Variants in RBFOX1 observed in about 807,000 individuals in gnomAD.
The protein encoded by RBFOX1 is RNA binding protein fox-1 homolog 1.
Under a neutral mutation model 57.7 loss-of-function variants are expected in RBFOX1, and 8 were observed. The ratio of observed to expected loss-of-function variants is 0.14; its 90% CI spans 0.08 to 0.25. The LOEUF (loss-of-function observed/expected upper bound fraction) is 0.25, where lower values mean the gene tolerates loss of function less well. Among genes scored for constraint, RBFOX1 ranks in the 10% least tolerant of loss-of-function variants. The pLI, the probability that RBFOX1 is intolerant of heterozygous loss-of-function variation, is 1.00. For synonymous variants in RBFOX1, 326 were observed against 222.4 expected, an observed-to-expected ratio of 1.47 and a Z score of -4.15; for missense variants, 611 against 548.5, an observed-to-expected ratio of 1.11 and a Z score of -1.14.
chr16:7,067,004 C>G (rs2056214612), intron 4 of RBFOX1, among the ~76,000 whole-genome samples: 1 of 152,138 alleles, frequency 6.6e-6, no homozygotes, highest in Admixed American at 6.5e-5. Flanking sequence ...TCCTAACAAA[C>G]AGTAACAGAT....
rs528608746 is a variant in RBFOX1 at position 6,864,563 on chromosome 16, T to A, written c.-15-187494T>A. 2.4e-4 allele frequency among the ~76,000 whole-genome samples: 36 copies of A among 149,802 alleles called. No homozygotes were observed. In the South Asian group the frequency reaches 6.2e-3, roughly 26 times the overall value. On this transcript the variant is annotated intron_variant, in intron 3 of 15. Transcript: ENST00000550418. The stretch of plus-strand genomic sequence containing the variant: ...CTCCTTCCTCTTTTTTTTTTTTTTT[T>A]AATCATGGCCTAATACATCAAAACA...
At chr16:5,517,280 G>T (rs1410527200) in intron 2 of RBFOX1, among the ~76,000 whole-genome samples, 3 of 152,162 alleles carry the variant, frequency 2.0e-5, no homozygotes, top group Non-Finnish European at 4.4e-5. Context: ...GCGCAGAATT[G>T]TTCAGGCCCC....
intron 1 of RBFOX1, among the ~76,000 whole-genome samples, chr16:6,064,469 G>T (rs1237583780): frequency 6.6e-6 from 1 of 152,144 alleles, no homozygotes; most frequent in Admixed American, 6.5e-5. Flanking sequence ...TACTCCAAGT[G>T]GGCAATGTAG....
intron 3 of RBFOX1, among the ~76,000 whole-genome samples, chr16:6,802,306 G>T (rs1423146594): frequency 6.6e-6 from 1 of 152,082 alleles, no homozygotes; most frequent in African/African-American, 2.4e-5. Context: ...TGCCACACAG[G>T]GTCCTGTTGT....
intron 1 of RBFOX1, among the ~76,000 whole-genome samples, chr16:6,068,064 C>T (rs529439584): frequency 5.3e-5 from 8 of 151,492 alleles, no homozygotes; most frequent in African/African-American, 1.9e-4. Flanking sequence ...TGTTTAATTG[C>T]CTGCAATCTT....
At chr16:6,926,166 G>A (rs1002976614) in intron 3 of RBFOX1, among the ~76,000 whole-genome samples, 2 of 152,068 alleles carry the variant, frequency 1.3e-5, no homozygotes, top group African/African-American at 4.8e-5. Context: ...AACTAGCTGG[G>A]CATGGTGGTG....
chr16:6,182,923 T>C (rs2152794079), intron 1 of RBFOX1, among the ~76,000 whole-genome samples: 1 of 152,346 alleles, frequency 6.6e-6, no homozygotes, highest in East Asian at 1.9e-4. Flanking sequence ...ATGCAGTATT[T>C]CATTAAAATG....
At chr16:5,635,933 G>A (rs1042541478) in intron 3 of RBFOX1, among the ~76,000 whole-genome samples, 1 of 152,184 alleles carries the variant, frequency 6.6e-6, no homozygotes, top group Non-Finnish European at 1.5e-5. Flanking sequence ...AACATTCCAG[G>A]TGCAGTGGCC....
intron 1 of RBFOX1, among the ~76,000 whole-genome samples, chr16:6,102,593 C>G (rs1366606991): frequency 6.6e-6 from 1 of 152,010 alleles, no homozygotes; most frequent in Non-Finnish European, 1.5e-5. Flanking sequence ...GCAGCTCACG[C>G]CACGTCTTCC....
rs146375366 is a variant in RBFOX1 at position 6,119,608 on chromosome 16, G to T, written c.-127+99616G>T. Among the ~76,000 whole-genome samples, 364 of 152,248 alleles carry T rather than the reference G, an allele frequency of 2.4e-3. 4 individuals are homozygous for T. The highest frequency in any genetic ancestry group is 8.0e-3 in the African/African-American group (333 of 41,550). ...TTTTTCATTCTCCTCCATTTATTCA[G>T]TATTTATATCATTATTGACTCAACA... On this transcript the variant is annotated intron_variant, in intron 1 of 15. Transcript: ENST00000550418.
At chr16:7,698,939 G>C (rs1038551420) in intron 14 of RBFOX1, among the ~76,000 whole-genome samples, 2 of 152,170 alleles carry the variant, frequency 1.3e-5, no homozygotes, top group Non-Finnish European at 2.9e-5. Context: ...GCCTAAGTGG[G>C]AAAGTGCTGT....
At chr16:5,472,842 G>C (rs547107565) in intron 2 of RBFOX1, among the ~76,000 whole-genome samples, 1 of 152,202 alleles carries the variant, frequency 6.6e-6, no homozygotes, top group Admixed American at 6.5e-5. Context: ...TGTCTGCATA[G>C]GTAACTTTGG....
intron 4 of RBFOX1, among the ~76,000 whole-genome samples, chr16:7,508,674 G>A (rs1379507772): frequency 6.6e-6 from 1 of 152,174 alleles, no homozygotes; most frequent in African/African-American, 2.4e-5. Context: ...CAACCTTGTA[G>A]AGCTGGGAAT....
At chr16:6,781,977 A>T (rs1306863299) in intron 3 of RBFOX1, among the ~76,000 whole-genome samples, 4 of 152,034 alleles carry the variant, frequency 2.6e-5, no homozygotes, top group African/African-American at 9.7e-5. Flanking sequence ...GTTCTTTAAG[A>T]TGCAGTTTTA....
chr16:6,647,656 G>A (rs1435062590), intron 2 of RBFOX1, among the ~76,000 whole-genome samples: 3 of 152,140 alleles, frequency 2.0e-5, no homozygotes, highest in African/African-American at 7.2e-5. Flanking sequence ...GAATTTTAGG[G>A]GGGACACATA....
chr16:6,606,591 C>A (rs2097931762), intron 2 of RBFOX1, among the ~76,000 whole-genome samples: 1 of 152,086 alleles, frequency 6.6e-6, no homozygotes, highest in Admixed American at 6.5e-5. Flanking sequence ...TGTTCAGCTC[C>A]CACCTGGAAG....
chr16:6,428,977 G>A (rs186455398), intron 2 of RBFOX1, among the ~76,000 whole-genome samples: 123 of 152,316 alleles, frequency 8.1e-4, no homozygotes, highest in Non-Finnish European at 1.5e-3. Context: ...GACCTGCGGC[G>A]TGCACAGACT....
chr16:7,238,214 T>C (rs994589090), intron 4 of RBFOX1, among the ~76,000 whole-genome samples: 2 of 152,156 alleles, frequency 1.3e-5, no homozygotes, highest in African/African-American at 4.8e-5. Flanking sequence ...AGTGTTTAAT[T>C]GGTACAGAGT....
chr16:6,744,243 G>T (rs139135975), intron 3 of RBFOX1, among the ~76,000 whole-genome samples: 3 of 152,180 alleles, frequency 2.0e-5, no homozygotes, highest in Admixed American at 6.5e-5. Flanking sequence ...GAACTGGAAG[G>T]AGAAATAGCC....
Sources: gnomAD v4.1 joint callset for allele counts (sites outside exome capture counted in the v4.1 genomes callset) on GRCh38, gnomAD v4.1.1 for gene constraint, MANE v1.5 for transcripts, NCBI Gene and HGNC (gene_info 2026-07-23, HGNC 2026-07-21) for gene names.